KIAA1671: variants seen among roughly 807,000 people sequenced by gnomAD.
The protein encoded by KIAA1671 is uncharacterized protein KIAA1671.
A neutral mutation model predicts 131.2 loss-of-function variants in KIAA1671; 52 were observed. The observed-to-expected ratio is 0.40, with a 90% confidence interval of 0.32 to 0.50. The LOEUF (loss-of-function observed/expected upper bound fraction) is 0.50. Among genes scored for constraint, KIAA1671 ranks in the 20% least tolerant of loss-of-function variants. The pLI is 0.73. For synonymous variants in KIAA1671, 1,003 were observed against 961.6 expected, an observed-to-expected ratio of 1.04 and a Z score of -0.80; for missense variants, 2,360 against 2,364.2, an observed-to-expected ratio of 1.00 and a Z score of 0.04.
chr22:25,115,673 C>T (rs913495881), intron 6 of KIAA1671, among the ~76,000 whole-genome samples: 1 of 152,214 alleles, frequency 6.6e-6, no homozygotes, highest in African/African-American at 2.4e-5. Flanking sequence ...CCTGATCAAC[C>T]TGTGTTTGTA....
intron 6 of KIAA1671, among the ~76,000 whole-genome samples, chr22:25,093,887 C>CCTTCTGCTTCTG (rs1286154329): frequency 3.5e-5 from 1 of 28,238 alleles, no homozygotes; most frequent in African/African-American, 1.5e-4. Context: ...TCTCTCTCTC[C>CCTTCTGCTTCTG]CTTCTGCTTC....
intron 6 of KIAA1671, among the ~76,000 whole-genome samples, chr22:25,164,772 A>AC (rs1933581455): frequency 2.0e-5 from 3 of 151,884 alleles, no homozygotes; most frequent in South Asian, 4.2e-4. Context: ...ACATGGTGAA[A>AC]CCCCCTCTCT....
intron 6 of KIAA1671, among the ~76,000 whole-genome samples, chr22:25,089,254 T>G (rs991891195): frequency 4.0e-5 from 6 of 150,216 alleles, no homozygotes; most frequent in African/African-American, 1.5e-4. Context: ...GGTGCCTGTG[T>G]GTGTGTGTTT....
Position 25,040,722 on chromosome 22 carries a change from G to A in KIAA1671, c.3592G>A (p.Val1198Ile), listed in dbSNP as rs199826422. ...AATCAGAGATGGCTACAGATCCAGC[G>A]TTCTTGACATTGACGCCCTGATGGC... ...GKIRDGYRSS[V>I]LDIDALMAEY... Residue 1198 changes from valine (V) to isoleucine (I), a missense_variant, in exon 5 of 13, where the codon GTT becomes ATT. Transcript: ENST00000358431. The A allele has an allele frequency of 2.0e-4, 312 of 1,552,082 alleles. 1 individual carries two copies. The highest frequency in any genetic ancestry group is 1.1e-3 in the African/African-American group (77 of 73,178).
At chr22:25,072,715 A>G (rs1325213809) in intron 6 of KIAA1671, among the ~76,000 whole-genome samples, 2 of 152,162 alleles carry the variant, frequency 1.3e-5, no homozygotes, top group African/African-American at 4.8e-5. Flanking sequence ...CTGCAAAGCG[A>G]GGCCCCGCTG....
At position 25,041,390 on chromosome 22, in the gene KIAA1671, G is replaced by A. The variant is rs34914168; in HGVS notation, c.4260G>A (p.Glu1420=). Residue 1420 remains glutamate, a synonymous_variant, in exon 5 of 13, where the codon GAG becomes GAA. Transcript: ENST00000358431. Reference sequence around the variant, plus strand: ...AGGGGCCCCCTGCCAACATCCGAGAGGGCCTGTCCATCATGCATGAAGCCA... The same window carrying A: ...AGGGGCCCCCTGCCAACATCCGAGAAGGCCTGTCCATCATGCATGAAGCCA... ...SEKGPPANIR[E]GLSIMHEARE... is the part of the protein sequence containing the mutation. 0.14 allele frequency: 218,736 copies of A among 1,551,676 alleles called. 16,297 individuals are homozygous for A. Among genetic ancestry groups the A allele is most frequent in the Middle Eastern group, 0.16 (963 of 5,992 alleles).
Position 25,040,082 on chromosome 22 carries a change from C to T in KIAA1671, c.2952C>T (p.Ala984=), listed in dbSNP as rs1926829441. ...HRRTDYVSPT[A]SALRKPQLSH... The stretch of plus-strand genomic sequence containing the variant: ...GAACAGATTATGTGAGCCCCACAGC[C>T]AGTGCCTTAAGAAAACCTCAACTAT... The change falls in exon 5 of 13, where the codon GCC becomes GCT. Residue 984 remains alanine, a synonymous_variant. Coordinates refer to ENST00000358431, the MANE Select transcript of KIAA1671 (RefSeq NM_001145206.2). 1.9e-6 allele frequency: 3 copies of T among 1,551,618 alleles called. No individual in the cohort carries two copies. The African/African-American group carries it at 4.1e-5, about 21-fold the overall frequency.
chr22:25,007,709 G>A (rs2123871517), intron 1 of KIAA1671, among the ~76,000 whole-genome samples: 1 of 152,178 alleles, frequency 6.6e-6, no homozygotes, highest in East Asian at 1.9e-4. Flanking sequence ...ACCACCTGAT[G>A]ACCTGGAAGT....
chr22:25,131,742 C>T (rs1285779325), intron 6 of KIAA1671, among the ~76,000 whole-genome samples: 4 of 152,230 alleles, frequency 2.6e-5, no homozygotes, highest in African/African-American at 9.7e-5. Context: ...TGATGCCATC[C>T]TTCTTCTCAC....
chr22:25,191,145 CTTTTT>C (rs142339652), intron 12 of KIAA1671, among the ~76,000 whole-genome samples: 6 of 129,066 alleles, frequency 4.6e-5, no homozygotes, highest in East Asian at 2.3e-4. Context: ...GAAATGGTTA[CTTTTT>C]TTTTTTTTTT....
intron 6 of KIAA1671, among the ~76,000 whole-genome samples, chr22:25,093,800 C>T (rs996134035): frequency 4.6e-5 from 6 of 131,798 alleles, no homozygotes; most frequent in Admixed American, 2.3e-4. Flanking sequence ...CTCTCTCTCT[C>T]TCTCTCTCTC....
At chr22:25,156,299 A>G (rs1250082486) in intron 6 of KIAA1671, among the ~76,000 whole-genome samples, 1 of 151,888 alleles carries the variant, frequency 6.6e-6, no homozygotes, top group South Asian at 2.1e-4. Flanking sequence ...TGCTGGGATT[A>G]CAGGCATGAG....
At chr22:24,976,549 G>A (rs112272225) in intron 1 of KIAA1671, among the ~76,000 whole-genome samples, 1,979 of 152,220 alleles carry the variant, frequency 0.013, 45 homozygotes, top group African/African-American at 0.044. Context: ...GGTGAGGCTC[G>A]AACACCCACT....
At chr22:24,959,135 C>T (rs1250704197) in intron 1 of KIAA1671, among the ~76,000 whole-genome samples, 1 of 151,732 alleles carries the variant, frequency 6.6e-6, no homozygotes, top group African/African-American at 2.4e-5. Context: ...TGCACTTTAG[C>T]CTGAGACAGA....
chr22:25,118,648 C>T (rs1931794039), intron 6 of KIAA1671, among the ~76,000 whole-genome samples: 1 of 152,112 alleles, frequency 6.6e-6, no homozygotes, highest in African/African-American at 2.4e-5. Flanking sequence ...AGCTTACACT[C>T]TGGCCCCTCC....
At chr22:25,172,504 C>G (rs371875087) in intron 7 of KIAA1671, among the ~76,000 whole-genome samples, 10 of 152,300 alleles carry the variant, frequency 6.6e-5, no homozygotes, top group Middle Eastern at 3.4e-3. Context: ...ACAGAAAGCA[C>G]GATGAAATGC....
intron 1 of KIAA1671, chr22:25,011,593 G>A (rs1329459720): frequency 2.7e-5 from 4 of 150,410 alleles, no homozygotes; most frequent in African/African-American, 9.8e-5. Flanking sequence ...GGCCTGCCTG[G>A]TTTGTTGTTG....
At position 25,028,503 on chromosome 22, in the gene KIAA1671, G is replaced by C. The variant is rs891735187; in HGVS notation, c.504G>C (p.Lys168Asn). ...KAVSEGAEEA[K>N]LGVSGSRPEV... ...TTAGTGAGGGGGCGGAGGAGGCCAA[G>C]CTAGGTGTGTCCGGCTCCCGGCCTG... Residue 168 changes from lysine (K) to asparagine (N), a missense_variant, in exon 3 of 13, where the codon AAG (lysine) becomes AAC (asparagine). This residue lies in a region of KIAA1671 where 1,185 missense variants were observed against 1,126.2 expected (regional missense o/e 1.05). Transcript: ENST00000358431. The C allele has an allele frequency of 2.6e-6, 4 of 1,549,540 alleles. No homozygotes were observed. The highest frequency in any genetic ancestry group is 1.4e-5 in the African/African-American group (1 of 73,186).
rs141901992 is a variant in KIAA1671 at position 25,006,258 on chromosome 22, C to G, written c.-207-19375C>G. Among the ~76,000 whole-genome samples, 359 of 152,248 alleles carry G rather than the reference C, an allele frequency of 2.4e-3. 3 individuals carry two copies. The highest frequency in any genetic ancestry group is 8.0e-3 in the African/African-American group (334 of 41,542). On this transcript the variant is annotated intron_variant, in intron 1 of 12. Coordinates refer to ENST00000358431, the MANE Select transcript of KIAA1671 (RefSeq NM_001145206.2). ...ATGTTGGCCAGGCTGGTCTCGAACT[C>G]CTGACCTCAGGTGATCCACCCACCT...
Sources: allele counts gnomAD v4.1 joint callset (sites outside exome capture counted in the v4.1 genomes callset), GRCh38; gene constraint gnomAD v4.1.1; regional missense constraint gnomAD v4.1.1; transcripts MANE v1.5; gene names NCBI Gene and HGNC (gene_info 2026-07-23, HGNC 2026-07-21).